NECTIN3: variants seen among roughly 807,000 people sequenced by gnomAD.
The protein encoded by NECTIN3 is nectin-3.
Under a neutral mutation model 49.4 loss-of-function variants are expected in NECTIN3, and 8 were observed. The ratio of observed to expected loss-of-function variants is 0.16; its 90% confidence interval spans 0.10 to 0.29. The LOEUF (loss-of-function observed/expected upper bound fraction) is 0.29. Among genes scored for constraint, NECTIN3 ranks in the 10% least tolerant of loss-of-function variants. NECTIN3 has a pLI of 1.00. For synonymous variants in NECTIN3, 277 were observed against 241.1 expected (o/e 1.15, Z -1.38); for missense variants, 581 against 654.6 (o/e 0.89, Z 1.23).
rs563784018 is a variant in NECTIN3 at position 111,134,016 on chromosome 3, A to G, written c.1451A>G (p.Lys484Arg). ...AATCCAGTGAACAATCTAATACGTAAAGACTATTTAGAAGAGCCTGAAAAA... is the reference window on the plus strand; with the variant it reads ...AATCCAGTGAACAATCTAATACGTAGAGACTATTTAGAAGAGCCTGAAAAA... ...NKNPVNNLIR[K>R]DYLEEPEKTQ... is the part of the protein sequence containing the mutation. Residue 484 changes from lysine (K) to arginine (R), a missense_variant, in exon 6 of 6, where the codon AAA (lysine) becomes AGA (arginine). Transcript: ENST00000485303. 3.1e-6 allele frequency: 5 copies of G among 1,612,916 alleles called. No homozygotes were observed. Among genetic ancestry groups the G allele is most frequent in the East Asian group, 2.2e-5 (1 of 44,866 alleles).
In NECTIN3 at chr3:111,135,015, T is replaced by C; in HGVS notation, c.*800T>C. ...TTCTGGAACATGGATTTTGGTACAT[T>C]AGCAGTAGCCTTATTTTAATGCTTT... On this transcript the variant is annotated 3_prime_UTR_variant, in exon 6 of 6. Transcript: ENST00000485303. 1 of 979,696 alleles carries C rather than the reference T, an allele frequency of 1.0e-6. No individual in the cohort carries two copies. The highest frequency in any genetic ancestry group is 4.7e-5 in the South Asian group (1 of 21,158). The allele number at this position is 979,696 out of a possible 1,614,324, so 60.7% of individuals were successfully genotyped here. A position where few individuals can be genotyped will look rare whatever the true frequency, so the allele number is the denominator to read the frequency against.
At chr3:111,131,555 T>C (rs1041167614) in intron 5 of NECTIN3, among the ~76,000 whole-genome samples, 5 of 151,958 alleles carry the variant, frequency 3.3e-5, no homozygotes, top group Non-Finnish European at 7.4e-5. Context: ...TAACACTGAT[T>C]AAGGAGTGGG....
Position 111,135,329 on chromosome 3 carries a change from GTGTA to G in NECTIN3, c.*1122_*1125del, listed in dbSNP as rs2034539905. 1 of 943,172 alleles carries G rather than the reference GTGTA, an allele frequency of 1.1e-6. No individual in the cohort carries two copies. Among genetic ancestry groups the G allele is most frequent in the Non-Finnish European group, 1.3e-6 (1 of 791,898 alleles). The allele number at this position is 943,172 out of a possible 1,614,324, so 58.4% of individuals were successfully genotyped here. A position where few individuals can be genotyped will look rare whatever the true frequency, so the allele number is the denominator to read the frequency against. On this transcript the variant is annotated 3_prime_UTR_variant, in exon 6 of 6. Transcript: ENST00000485303. ...GCATTCATCTCCTTTTTCCTCCTAA[GTGTA>G]TGTATGTGTTTTAAGATTTCTGTTT...
rs188923301 is a variant in NECTIN3, at chr3:111,103,616, C to T, written c.161-8414C>T. Among the ~76,000 whole-genome samples the T allele has an allele frequency of 1.9e-4, 29 of 151,826 alleles. No individual in the cohort carries two copies. The East Asian group carries it at 5.5e-3, about 29-fold the overall frequency. ...TAAAGAAAGGAAGAAATAAAACTTC[C>T]TTTCTAATCAGTATACATTTATTGC... On this transcript the variant is annotated intron_variant, in intron 1 of 5. Coordinates refer to ENST00000485303, the MANE Select transcript of NECTIN3 (RefSeq NM_015480.3).
intron 7 of NECTIN3, among the ~76,000 whole-genome samples, chr3:111,179,747 A>G (rs2107531543): frequency 6.6e-6 from 1 of 152,176 alleles, no homozygotes; most frequent in Non-Finnish European, 1.5e-5. Flanking sequence ...ACAAAAAATT[A>G]GCTGAGTGTG....
chr3:111,072,511 G>A, intron 1 of NECTIN3: 1 of 1,535,894 alleles, frequency 6.5e-7, no homozygotes, highest in Non-Finnish European at 8.7e-7. Context: ...GGGAACCCTC[G>A]TAGGTTAAGG....
At chr3:111,072,653 C>T in intron 1 of NECTIN3, 1 of 1,398,178 alleles carries the variant, frequency 7.2e-7, no homozygotes, top group Non-Finnish European at 9.7e-7. Context: ...CTGGAGAAGG[C>T]ACCATTTTAG....
At chr3:111,116,674 A>T (rs1221544133) in intron 2 of NECTIN3, among the ~76,000 whole-genome samples, 7 of 152,146 alleles carry the variant, frequency 4.6e-5, no homozygotes, top group Admixed American at 4.6e-4. Flanking sequence ...AGTAAGAAAA[A>T]AATAGACACC....
intron 1 of NECTIN3, among the ~76,000 whole-genome samples, chr3:111,089,167 A>G (rs1287357366): frequency 6.6e-6 from 1 of 151,860 alleles, no homozygotes; most frequent in African/African-American, 2.4e-5. Flanking sequence ...TTATGTTAGT[A>G]TTTTGTGCCT....
intron 7 of NECTIN3, among the ~76,000 whole-genome samples, chr3:111,151,899 C>G (rs893829210): frequency 6.6e-6 from 1 of 151,612 alleles, no homozygotes; most frequent in Non-Finnish European, 1.5e-5. Context: ...CTACAGATAA[C>G]CACTTTTATT....
intron 1 of NECTIN3, among the ~76,000 whole-genome samples, chr3:111,092,142 T>A (rs2107394999): frequency 6.6e-6 from 1 of 152,360 alleles, no homozygotes; most frequent in South Asian, 2.1e-4. Context: ...GGGTTATTTA[T>A]ATTTTTATAA....
intron 1 of NECTIN3, among the ~76,000 whole-genome samples, chr3:111,078,599 T>C (rs2031391792): frequency 6.6e-6 from 1 of 152,152 alleles, no homozygotes; most frequent in African/African-American, 2.4e-5. Context: ...GTAATATATA[T>C]TATGTTGCAG....
rs1244891992 is a variant in NECTIN3, at chr3:111,079,103, GA to G, written c.160+6933del. On this transcript the variant is annotated intron_variant, in intron 1 of 5. Coordinates refer to ENST00000485303, the MANE Select transcript of NECTIN3 (RefSeq NM_015480.3). ...ACTCTTCTGTTGCTTCAATTCAGAA[GA>G]AAAAAATATTAATGAAATGCTAGTA... is the stretch of plus-strand genomic sequence containing the variant. Among the ~76,000 whole-genome samples, 14 of 151,980 alleles carry G rather than the reference GA, an allele frequency of 9.2e-5. No individual in the cohort carries two copies. In the East Asian group the frequency reaches 1.9e-3, roughly 21 times the overall value.
In NECTIN3 at chr3:111,163,582, G is replaced by C. The variant is rs114314569; in HGVS notation, c.1221+16098G>C. Among the ~76,000 whole-genome samples the C allele has an allele frequency of 7.7e-4, 117 of 152,228 alleles. 1 individual carries two copies. Among genetic ancestry groups the C allele is most frequent in the Non-Finnish European group, 1.3e-3 (90 of 68,018 alleles). ...ATAGAGGTCAGCAAATCTTTGCAAG[G>C]TTTGTAATGTCACTTTATAATTCAT... On this transcript the variant is annotated intron_variant, in intron 7 of 8. Coordinates refer to the NECTIN3 transcript ENST00000493615.
chr3:111,074,075 G>C, intron 1 of NECTIN3: 1 of 367,658 alleles, frequency 2.7e-6, no homozygotes. Context: ...GTATTCCTGT[G>C]TGCTACTCAT....
downstream of NECTIN3, among the ~76,000 whole-genome samples, chr3:111,138,904 A>T (rs569229704): frequency 2.0e-5 from 3 of 151,678 alleles, no homozygotes; most frequent in Non-Finnish European, 4.4e-5. Context: ...CTAATTGTAA[A>T]GTGACAGTTC....
chr3:111,124,564 C>G (rs1318007575), intron 4 of NECTIN3, among the ~76,000 whole-genome samples: 2 of 152,288 alleles, frequency 1.3e-5, no homozygotes, highest in Non-Finnish European at 2.9e-5. Flanking sequence ...AATTTTCTTT[C>G]CAAAGCCTTC....
intron 5 of NECTIN3, among the ~76,000 whole-genome samples, chr3:111,128,756 A>G (rs2034268346): frequency 6.6e-6 from 1 of 152,034 alleles, no homozygotes; most frequent in Non-Finnish European, 1.5e-5. Context: ...CAGTTCTTCA[A>G]CTCTTCTACT....
chr3:111,094,498 T>C (rs1369630171), intron 1 of NECTIN3, among the ~76,000 whole-genome samples: 1 of 152,196 alleles, frequency 6.6e-6, no homozygotes, highest in East Asian at 1.9e-4. Context: ...TTACCAAGAC[T>C]ACCCTCAGAT....
Sources: allele counts gnomAD v4.1 joint callset (sites outside exome capture counted in the v4.1 genomes callset), GRCh38; gene constraint gnomAD v4.1.1; transcripts MANE v1.5; gene names NCBI Gene and HGNC (gene_info 2026-07-23, HGNC 2026-07-21).